Variants in KIF3C observed in about 807,000 individuals in gnomAD.
KIF3C encodes the protein kinesin-like protein KIF3C.
In KIF3C, 12 loss-of-function variants were observed where a neutral mutation model predicts 67.7. The observed-to-expected ratio is 0.18, with a 90% CI of 0.11 to 0.29. KIF3C has a LOEUF of 0.29. KIF3C is among the 10% of genes least tolerant of loss of function. The probability of loss-of-function intolerance (pLI) is 1.00; values close to 1 mark genes in which losing one functional copy is unlikely to be tolerated. For synonymous variants in KIF3C, 393 were observed against 426.2 expected, an observed-to-expected ratio of 0.92 and a Z score of 0.96; for missense variants, 789 against 1,059.6, an observed-to-expected ratio of 0.74 and a Z score of 3.55.
At chr2:25,940,583 AC>A (rs1468785039) in intron 5 of KIF3C, among the ~76,000 whole-genome samples, 2 of 151,668 alleles carry the variant, frequency 1.3e-5, no homozygotes, top group African/African-American at 4.8e-5. Flanking sequence ...AAACAAAAAA[AC>A]AACAGAAAAA....
At position 25,980,847 on chromosome 2, in the gene KIF3C, G is replaced by A. The variant is rs1664555958; in HGVS notation, c.1071C>T (p.Arg357=). ...HSYDESLSTL[R]FANRAKNIKN... The stretch of plus-strand genomic sequence containing the variant: ...TGATGTTCTTGGCTCGGTTGGCAAA[G>A]CGCAAGGTGGAGAGGCTCTCATCGT... Residue 357 remains arginine, a synonymous_variant, in exon 1 of 8, where the codon CGC becomes CGT. Coordinates refer to ENST00000264712, the MANE Select transcript of KIF3C (RefSeq NM_002254.8). This position sits in a 1 kb window ranked among gnomAD's most constrained non-coding sequence, Gnocchi z 7.6. The A allele has an allele frequency of 6.2e-7, 1 of 1,614,094 alleles. No homozygotes were observed. Among genetic ancestry groups the A allele is most frequent in the African/African-American group, 1.3e-5 (1 of 74,924 alleles).
At chr2:25,976,183 T>C (rs1664409938) in intron 1 of KIF3C, among the ~76,000 whole-genome samples, 1 of 152,130 alleles carries the variant, frequency 6.6e-6, no homozygotes, top group Non-Finnish European at 1.5e-5. Flanking sequence ...AAAGGGACAA[T>C]ACAATTTCAA....
chr2:25,929,878 A>G, intron 6 of KIF3C, 77 bp downstream of exon 6: 4 of 1,003,558 alleles, frequency 4.0e-6, no homozygotes, highest in Non-Finnish European at 6.3e-6. Flanking sequence ...GGCCTCCCAC[A>G]GTGCTGGGAT....
chr2:25,938,504 A>G (rs534231192), intron 5 of KIF3C, among the ~76,000 whole-genome samples: 80 of 152,334 alleles, frequency 5.3e-4, no homozygotes, highest in African/African-American at 1.9e-3. Flanking sequence ...AGTGCCTTTG[A>G]AAGCTCAGGC....
intron 4 of KIF3C, among the ~76,000 whole-genome samples, chr2:25,953,812 TG>T (rs1260342024): frequency 2.6e-5 from 4 of 151,714 alleles, no homozygotes; most frequent in African/African-American, 9.7e-5. Flanking sequence ...GGATTACAAG[TG>T]CGCGCCACCA....
chr2:25,952,160 C>T (rs1290260643), intron 4 of KIF3C, among the ~76,000 whole-genome samples: 10 of 151,924 alleles, frequency 6.6e-5, no homozygotes, highest in African/African-American at 1.9e-4. Context: ...ATTAGCTGGG[C>T]GTGGTGGTGG....
At position 25,974,919 on chromosome 2, in the gene KIF3C, G is replaced by C. The variant is rs536177166; in HGVS notation, c.1545+5454C>G. On this transcript the variant is annotated intron_variant, in intron 1 of 7. Coordinates refer to ENST00000264712, the MANE Select transcript of KIF3C (RefSeq NM_002254.8). Reference sequence around the variant, plus strand: ...TGCATGCCTGTAATCCCAGCTACTCGGGAGGCTGAGGAAGGAGAATCGCTT... The same window carrying C: ...TGCATGCCTGTAATCCCAGCTACTCCGGAGGCTGAGGAAGGAGAATCGCTT... 2.7e-4 allele frequency among the ~76,000 whole-genome samples: 41 copies of C among 151,260 alleles called. No homozygotes were observed. The South Asian group carries it at 7.7e-3, about 29-fold the overall frequency.
rs1574474156 is a variant in KIF3C at position 25,927,795 on chromosome 2, A to T, written c.*1183T>A. On this transcript the variant is annotated 3_prime_UTR_variant, in exon 8 of 8. Coordinates refer to ENST00000264712, the MANE Select transcript of KIF3C (RefSeq NM_002254.8). ...ACATTAACCATTTTTTTTTGTAGAA[A>T]TTTACTTATCACTTGAGATACCTAG... is the stretch of plus-strand genomic sequence containing the variant. 1.3e-5 allele frequency: 2 copies of T among 152,562 alleles called. No homozygotes were observed. The highest frequency in any genetic ancestry group is 3.9e-4 in the East Asian group (2 of 5,194). The allele number at this position is 152,562 out of a possible 1,614,324, so 9.5% of individuals were successfully genotyped here. A position where few individuals can be genotyped will look rare whatever the true frequency, so the allele number is the denominator to read the frequency against.
At chr2:25,929,931 C>T in intron 6 of KIF3C, 24 bp downstream of exon 6, 1 of 1,551,078 alleles carries the variant, frequency 6.4e-7, no homozygotes, top group Non-Finnish European at 8.9e-7. Context: ...CCCGTAGGCT[C>T]TTTCTCCCCT....
chr2:25,942,339 C>T (rs983447701), intron 5 of KIF3C, among the ~76,000 whole-genome samples: 8 of 151,900 alleles, frequency 5.3e-5, no homozygotes, highest in Admixed American at 1.3e-4. Context: ...GCTTAGGCGA[C>T]GGTCTATTAT....
chr2:25,934,852 G>A (rs530439249), intron 5 of KIF3C, among the ~76,000 whole-genome samples: 1 of 152,086 alleles, frequency 6.6e-6, no homozygotes, highest in African/African-American at 2.4e-5. Flanking sequence ...CTGAGGCCAG[G>A]AGTCTGAGGC....
intron 1 of KIF3C, among the ~76,000 whole-genome samples, chr2:25,961,662 A>T (rs1321037585): frequency 6.6e-6 from 1 of 152,260 alleles, no homozygotes; most frequent in Non-Finnish European, 1.5e-5. Flanking sequence ...CCCAGGCACC[A>T]TCATGAAGGC....
rs1200313151 is a variant in KIF3C at position 25,928,321 on chromosome 2, G to A, written c.*657C>T. ...AGTTCCCATCCAAGGTGGGCAGAAA[G>A]CAGAGTTTGGGAAGCTGTGAGTTCT... On this transcript the variant is annotated 3_prime_UTR_variant, in exon 8 of 8. Transcript: ENST00000264712. 6.6e-6 allele frequency: 1 copy of A among 152,282 alleles called. No homozygotes were observed. Among genetic ancestry groups the A allele is most frequent in the East Asian group, 1.9e-4 (1 of 5,192 alleles). 9.4% of individuals were successfully genotyped at this position (152,282 alleles called of 1,614,324 possible).
At chr2:25,970,645 A>G (rs1664255029) in intron 1 of KIF3C, among the ~76,000 whole-genome samples, 2 of 146,258 alleles carry the variant, frequency 1.4e-5, no homozygotes, top group South Asian at 4.4e-4. Flanking sequence ...CCAGCCTGGG[A>G]AACAAGAGTG....
At chr2:25,953,668 TTTTG>T (rs1448358674) in intron 4 of KIF3C, among the ~76,000 whole-genome samples, 1 of 113,168 alleles carries the variant, frequency 8.8e-6, no homozygotes, top group Non-Finnish European at 1.8e-5. Flanking sequence ...CCTTTTTTGT[TTTTG>T]TTTTTTTTTT....
intron 1 of KIF3C, among the ~76,000 whole-genome samples, chr2:25,963,141 CAT>C (rs1228645608): frequency 1.0e-3 from 75 of 71,758 alleles, no homozygotes; most frequent in African/African-American, 1.3e-3. Flanking sequence ...TATATATATG[CAT>C]ATATGTGTGT....
chr2:25,981,788 G>A lies in KIF3C; in HGVS notation c.130C>T (p.Leu44=). 1.2e-6 allele frequency: 2 copies of A among 1,613,442 alleles called. No individual in the cohort carries two copies. Among genetic ancestry groups the A allele is most frequent in the East Asian group, 2.2e-5 (1 of 44,850 alleles). The part of the protein sequence containing the change: ...TMDVKLGQVT[L]RNPRAAPGEL... The stretch of plus-strand genomic sequence containing the variant: ...CCCGGGGCGGCGCGGGGGTTCCGCA[G>A]GGTCACCTGGCCCAGTTTCACGTCC... The change falls in exon 1 of 8, where the codon CTG becomes TTG. Residue 44 remains leucine, a synonymous_variant. Transcript: ENST00000264712. The surrounding 1 kb of genome is among the most constrained non-coding windows in gnomAD (Gnocchi z 8.2).
At chr2:25,957,295 C>T (rs114117444) in intron 1 of KIF3C, among the ~76,000 whole-genome samples, 1 of 152,106 alleles carries the variant, frequency 6.6e-6, no homozygotes, top group Admixed American at 6.6e-5. Context: ...GAACCTCGTA[C>T]CCCCAGTCTC....
intron 1 of KIF3C, among the ~76,000 whole-genome samples, chr2:25,960,804 T>C (rs1168049838): frequency 2.0e-5 from 3 of 152,112 alleles, no homozygotes; most frequent in African/African-American, 7.2e-5. Context: ...GGCATGGTGG[T>C]GTGGGCCTGT....
Sources: gnomAD v4.1 joint callset for allele counts (sites outside exome capture counted in the v4.1 genomes callset) on GRCh38, gnomAD v4.1.1 for gene constraint, Gnocchi (gnomAD v3.1) non-coding constraint, MANE v1.5 for transcripts, NCBI Gene and HGNC (gene_info 2026-07-23, HGNC 2026-07-21) for gene names.